Variants in PAFAH1B1 observed in about 807,000 individuals in gnomAD.
The protein encoded by PAFAH1B1 is platelet-activating factor acetylhydrolase IB subunit beta.
In PAFAH1B1, 2 loss-of-function variants were observed where a neutral mutation model predicts 57.5. The ratio of observed to expected loss-of-function variants is 0.03; its 90% CI spans 0.01 to 0.11. The LOEUF is 0.11. Ranked by LOEUF, PAFAH1B1 falls within the 10% of genes least tolerant of loss-of-function variation. The pLI, the probability that PAFAH1B1 is intolerant of heterozygous loss-of-function variation, is 1.00. For synonymous variants in PAFAH1B1, 152 were observed against 169.6 expected, an observed-to-expected ratio of 0.90 and a Z score of 0.81; for missense variants, 257 against 512.0, an observed-to-expected ratio of 0.50 and a Z score of 4.81.
intron 2 of PAFAH1B1, among the ~76,000 whole-genome samples, chr17:2,646,529 T>C (rs1223776554): frequency 6.6e-6 from 1 of 152,196 alleles, no homozygotes; most frequent in African/African-American, 2.4e-5. Context: ...GGCACATGCC[T>C]GTAATCCCCA....
At chr17:2,605,818 G>A (rs551187458) in intron 1 of PAFAH1B1, among the ~76,000 whole-genome samples, 51 of 152,168 alleles carry the variant, frequency 3.4e-4, no homozygotes, top group Admixed American at 5.2e-4. Context: ...AAAGAGCCTA[G>A]GAATGGTACC....
At chr17:2,630,667 C>T (rs544048206) in intron 1 of PAFAH1B1, among the ~76,000 whole-genome samples, 13 of 152,204 alleles carry the variant, frequency 8.5e-5, no homozygotes, top group Non-Finnish European at 1.3e-4. Flanking sequence ...CTAGCAGGGC[C>T]GGGGGAGTTT....
chr17:2,627,956 T>C (rs1282744707), intron 1 of PAFAH1B1, among the ~76,000 whole-genome samples: 1 of 152,226 alleles, frequency 6.6e-6, no homozygotes, highest in East Asian at 1.9e-4. Context: ...CGAATTCTTT[T>C]ATCAGTTCTA....
chr17:2,652,217 T>C (rs12051903), intron 2 of PAFAH1B1, among the ~76,000 whole-genome samples: 91,569 of 151,228 alleles, frequency 0.61, 28,604 homozygotes, highest in East Asian at 0.93. Flanking sequence ...GAGACCATCC[T>C]GGCTAACACG....
intron 1 of PAFAH1B1, among the ~76,000 whole-genome samples, chr17:2,597,550 A>G (rs2068097660): frequency 6.6e-6 from 1 of 150,686 alleles, no homozygotes; most frequent in African/African-American, 2.4e-5. Flanking sequence ...AGTTGGGATT[A>G]CAGGTGCCTG....
intron 1 of PAFAH1B1, among the ~76,000 whole-genome samples, chr17:2,621,994 A>G (rs1280246850): frequency 1.3e-4 from 20 of 152,178 alleles, no homozygotes; most frequent in Admixed American, 1.3e-3. Flanking sequence ...AAGCAAAACC[A>G]GAAACAAGAT....
chr17:2,670,051 A>G, intron 5 of PAFAH1B1, 112 bp from the exon 6 acceptor site: 1 of 852,648 alleles, frequency 1.2e-6, no homozygotes, highest in Non-Finnish European at 2.1e-6. Context: ...ATCCTTTGTT[A>G]CTTGTTCGGT....
At chr17:2,616,150 G>A (rs2068337919) in intron 1 of PAFAH1B1, among the ~76,000 whole-genome samples, 1 of 152,146 alleles carries the variant, frequency 6.6e-6, no homozygotes, top group Non-Finnish European at 1.5e-5. Context: ...ATCCTTGAAA[G>A]CATTAATTTG....
At chr17:2,602,850 G>T (rs1284818987) in intron 1 of PAFAH1B1, among the ~76,000 whole-genome samples, 1 of 152,198 alleles carries the variant, frequency 6.6e-6, no homozygotes, top group Non-Finnish European at 1.5e-5. Flanking sequence ...CTAGCCCTTT[G>T]TGACAGCTTT....
Position 2,680,155 on chromosome 17 carries a change from G to C in PAFAH1B1, c.1003-9G>C, listed in dbSNP as rs755753496. On this transcript the variant is annotated splice_polypyrimidine_tract_variant and intron_variant, in intron 9 of 10. Coordinates refer to ENST00000397195, the MANE Select transcript of PAFAH1B1 (RefSeq NM_000430.4). ...TTTTACTGAGTCAAATAACTTTTTT[G>C]TTTTTAAGGTGGGTCATGATAACTG... 32 of 1,613,036 alleles carry C rather than the reference G, an allele frequency of 2.0e-5. No homozygotes were observed. The Middle Eastern group carries it at 1.6e-3, about 78-fold the overall frequency.
At chr17:2,674,741 C>T (rs6502458) in intron 8 of PAFAH1B1, among the ~76,000 whole-genome samples, 151,350 of 152,382 alleles carry the variant, frequency 0.99, 75,173 homozygotes, top group East Asian at 1. Context: ...GAAGACTAAT[C>T]CATATGGCAG....
intron 6 of PAFAH1B1, among the ~76,000 whole-genome samples, chr17:2,671,339 T>A (rs2069177481): frequency 6.6e-6 from 1 of 150,458 alleles, no homozygotes; most frequent in Non-Finnish European, 1.5e-5. Flanking sequence ...CTCCTGAGTA[T>A]CTAGGATTAT....
At chr17:2,645,625 T>G (rs1239296612) in intron 2 of PAFAH1B1, among the ~76,000 whole-genome samples, 1 of 145,516 alleles carries the variant, frequency 6.9e-6, no homozygotes, top group Non-Finnish European at 1.5e-5. Context: ...ATATATATAT[T>G]TTTTGTTAGA....
intron 10 of PAFAH1B1, 23 bp from the exon 11 acceptor site, chr17:2,681,706 T>G: frequency 6.3e-7 from 1 of 1,596,694 alleles, no homozygotes; most frequent in Non-Finnish European, 8.6e-7. Flanking sequence ...GAGTTTTAAA[T>G]AAACCATTTC....
At chr17:2,626,856 A>AT (rs2068500716) in intron 1 of PAFAH1B1, among the ~76,000 whole-genome samples, 1 of 151,754 alleles carries the variant, frequency 6.6e-6, no homozygotes, top group South Asian at 2.1e-4. Flanking sequence ...CCTGGGTGCA[A>AT]TTTTTTATAT....
chr17:2,663,374 G>A (rs987675986), intron 2 of PAFAH1B1, among the ~76,000 whole-genome samples: 1 of 152,106 alleles, frequency 6.6e-6, no homozygotes, highest in Non-Finnish European at 1.5e-5. Flanking sequence ...GAGTTTTGTG[G>A]GTTTTTGTTT....
intron 2 of PAFAH1B1, among the ~76,000 whole-genome samples, chr17:2,647,930 G>A (rs2068790399): frequency 6.6e-6 from 1 of 151,918 alleles, no homozygotes; most frequent in Non-Finnish European, 1.5e-5. Flanking sequence ...GGTGAACCCG[G>A]GAGGCAGAGT....
chr17:2,602,846 C>T (rs966229134), intron 1 of PAFAH1B1, among the ~76,000 whole-genome samples: 1 of 152,194 alleles, frequency 6.6e-6, no homozygotes, highest in African/African-American at 2.4e-5. Context: ...TTAGCTAGCC[C>T]TTTGTGACAG....
At chr17:2,656,076 C>G (rs1259280527) in intron 2 of PAFAH1B1, among the ~76,000 whole-genome samples, 1 of 152,186 alleles carries the variant, frequency 6.6e-6, no homozygotes, top group South Asian at 2.1e-4. Context: ...ACATCTGCCA[C>G]CACGCCCGGC....
Sources: gnomAD v4.1 joint callset for allele counts (sites outside exome capture counted in the v4.1 genomes callset) on GRCh38, gnomAD v4.1.1 for gene constraint, MANE v1.5 for transcripts, NCBI Gene and HGNC (gene_info 2026-07-23, HGNC 2026-07-21) for gene names.